Variants in SLIT2 observed in about 807,000 individuals in gnomAD.
The protein encoded by SLIT2 is slit homolog 2 protein.
In SLIT2, 41 loss-of-function variants were observed where a neutral mutation model predicts 185.7. That is an observed-to-expected ratio of 0.22 (90% CI 0.17 to 0.29). SLIT2 has a LOEUF of 0.29. Among genes scored for constraint, SLIT2 ranks in the 10% least tolerant of loss-of-function variants. The pLI is 1.00. For synonymous variants in SLIT2, 693 were observed against 680.2 expected (o/e 1.02, Z -0.29); for missense variants, 1,571 against 1,909.0 (o/e 0.82, Z 3.30).
chr4:20,609,910 G>A (rs1433733884), intron 33 of SLIT2, 103 bp from the exon 34 acceptor site: 11 of 1,070,106 alleles, frequency 1.0e-5, no homozygotes, highest in Non-Finnish European at 2.7e-6. Flanking sequence ...GTGTTAGATT[G>A]CCATCTCTTT....
chr4:20,573,631 T>A (rs1725819064), intron 29 of SLIT2, among the ~76,000 whole-genome samples: 2 of 152,172 alleles, frequency 1.3e-5, no homozygotes, highest in African/African-American at 4.8e-5. Flanking sequence ...ACATAGGTTA[T>A]TTAGTACTGT....
chr4:20,593,004 A>G (rs1157299027), intron 30 of SLIT2, among the ~76,000 whole-genome samples: 1 of 152,102 alleles, frequency 6.6e-6, no homozygotes, highest in African/African-American at 2.4e-5. Flanking sequence ...TCAAATCCTG[A>G]TTTAGCATTT....
chr4:20,324,429 G>A (rs1365595951), intron 4 of SLIT2, among the ~76,000 whole-genome samples: 1 of 152,128 alleles, frequency 6.6e-6, no homozygotes, highest in Non-Finnish European at 1.5e-5. Context: ...CAGAGGAAGT[G>A]ATTATAGAGA....
intron 7 of SLIT2, 146 bp from the exon 8 acceptor site, chr4:20,488,672 AT>A: frequency 2.0e-6 from 1 of 505,830 alleles, no homozygotes; most frequent in Non-Finnish European, 3.4e-6. Flanking sequence ...TGATTCTGTG[AT>A]TGTACATCAG....
intron 25 of SLIT2, chr4:20,552,834 A>G (rs899839906): frequency 3.9e-5 from 6 of 152,222 alleles, no homozygotes; most frequent in African/African-American, 1.4e-4. Context: ...CATTGTATGC[A>G]TCTACGGCTT....
At chr4:20,286,130 A>G (rs1431259798) in intron 4 of SLIT2, among the ~76,000 whole-genome samples, 3 of 152,240 alleles carry the variant, frequency 2.0e-5, no homozygotes, top group African/African-American at 4.8e-5. Flanking sequence ...TTTACCATGT[A>G]TATTAACTGT....
At chr4:20,420,947 T>C (rs1728127758) in intron 4 of SLIT2, among the ~76,000 whole-genome samples, 2 of 152,142 alleles carry the variant, frequency 1.3e-5, no homozygotes, top group South Asian at 4.1e-4. Context: ...ATCTTGGACT[T>C]CTTAGCCTCC....
intron 4 of SLIT2, among the ~76,000 whole-genome samples, chr4:20,444,246 T>C (rs1711531849): frequency 6.6e-6 from 1 of 152,164 alleles, no homozygotes; most frequent in African/African-American, 2.4e-5. Flanking sequence ...TTGCCACCAA[T>C]TGCCATTGTG....
At chr4:20,523,461 G>A (rs1252896116) in intron 12 of SLIT2, among the ~76,000 whole-genome samples, 1 of 152,176 alleles carries the variant, frequency 6.6e-6, no homozygotes, top group Non-Finnish European at 1.5e-5. Context: ...TGGAGGCTGG[G>A]TCTCACCCAC....
chr4:20,613,635 G>A (rs752025588), intron 34 of SLIT2, among the ~76,000 whole-genome samples: 4 of 152,042 alleles, frequency 2.6e-5, no homozygotes, highest in Non-Finnish European at 4.4e-5. Flanking sequence ...TTGTTATACG[G>A]TAACACATAA....
At chr4:20,367,989 A>G in intron 4 of SLIT2, among the ~76,000 whole-genome samples, 1 of 152,120 alleles carries the variant, frequency 6.6e-6, no homozygotes, top group East Asian at 1.9e-4. Flanking sequence ...AGAAAGACAG[A>G]TAACACCACT....
chr4:20,569,099 A>G (rs1348761184), intron 29 of SLIT2, 95 bp downstream of exon 29: 2 of 1,031,434 alleles, frequency 1.9e-6, no homozygotes, highest in South Asian at 1.3e-5. Context: ...ATCTTTTTTT[A>G]TTTGATAAAT....
chr4:20,429,270 CAT>C (rs955427696), intron 4 of SLIT2, among the ~76,000 whole-genome samples: 1 of 151,988 alleles, frequency 6.6e-6, no homozygotes, highest in Non-Finnish European at 1.5e-5. Context: ...TTATTTTTTT[CAT>C]ATGTTTCAAT....
intron 4 of SLIT2, among the ~76,000 whole-genome samples, chr4:20,450,835 G>A (rs939115451): frequency 4.1e-4 from 62 of 152,164 alleles, no homozygotes; most frequent in African/African-American, 1.5e-3. Context: ...TGAAAGTTGT[G>A]TTGTGGTACT....
At chr4:20,291,487 T>TAAA (rs1715904895) in intron 4 of SLIT2, among the ~76,000 whole-genome samples, 1 of 10,618 alleles carries the variant, frequency 9.4e-5, no homozygotes, top group Non-Finnish European at 1.6e-4. Context: ...TATATATATA[T>TAAA]ATATATTTTT....
intron 4 of SLIT2, among the ~76,000 whole-genome samples, chr4:20,336,150 A>T (rs942568305): frequency 1.3e-5 from 2 of 152,192 alleles, no homozygotes; most frequent in Non-Finnish European, 2.9e-5. Context: ...AAAGTAACAC[A>T]GTCTTTGTGT....
chr4:20,414,333 G>A (rs952779180), intron 4 of SLIT2, among the ~76,000 whole-genome samples: 2 of 151,924 alleles, frequency 1.3e-5, no homozygotes, highest in African/African-American at 4.8e-5. Flanking sequence ...CCCATCCTAG[G>A]TCTAACAAGG....
Position 20,277,014 on chromosome 4 carries a change from C to T in SLIT2, c.395+8133C>T, listed in dbSNP as rs1342282412. Reference sequence around the variant, plus strand: ...AAAATTGGACTGGAAGTCGAGTAGGCGCAAGCTTTGTTTTGTGTCTAGATG... The same window carrying T: ...AAAATTGGACTGGAAGTCGAGTAGGTGCAAGCTTTGTTTTGTGTCTAGATG... On this transcript the variant is annotated intron_variant, in intron 4 of 36. Transcript: ENST00000504154. 4.6e-5 allele frequency among the ~76,000 whole-genome samples: 7 copies of T among 152,142 alleles called. No individual in the cohort carries two copies. In the East Asian group the frequency reaches 1.3e-3, roughly 29 times the overall value.
chr4:20,283,516 G>A (rs1407677200), intron 4 of SLIT2, among the ~76,000 whole-genome samples: 1 of 152,064 alleles, frequency 6.6e-6, no homozygotes, highest in Non-Finnish European at 1.5e-5. Flanking sequence ...ACAAATGGAA[G>A]AAATGATTAT....
Sources: allele counts gnomAD v4.1 joint callset (sites outside exome capture counted in the v4.1 genomes callset), GRCh38; gene constraint gnomAD v4.1.1; transcripts MANE v1.5; gene names NCBI Gene and HGNC (gene_info 2026-07-23, HGNC 2026-07-21).